SCIN: variants seen among roughly 807,000 people sequenced by gnomAD.
The protein encoded by SCIN is scinderin.
SCIN carries 91 observed loss-of-function variants against 91.8 expected under a neutral mutation model. The ratio of observed to expected loss-of-function variants is 0.99; its 90% CI spans 0.84 to 1.18. The LOEUF (loss-of-function observed/expected upper bound fraction) is 1.18. Among genes scored for constraint, SCIN ranks in the 50% most tolerant of loss-of-function variants. The pLI, the probability that SCIN is intolerant of heterozygous loss-of-function variation, is 0.00. For missense variants in SCIN, 1,087 were observed against 863.9 expected, an observed-to-expected ratio of 1.26 and a Z score of -3.24; for synonymous variants, 367 against 312.6, an observed-to-expected ratio of 1.17 and a Z score of -1.84.
Position 12,578,195 on chromosome 7 carries a change from T to A in SCIN, c.331T>A (p.Phe111Ile), listed in dbSNP as rs1351032760. The A allele has an allele frequency of 1.3e-6, 2 of 1,547,376 alleles. No individual in the cohort carries two copies. The highest frequency in any genetic ancestry group is 4.0e-5 in the Admixed American group (2 of 50,196). The stretch of plus-strand genomic sequence containing the variant: ...TGAGTCTAATGACTTTGTTAGCTAT[T>A]TCAAAGGCGGTCTGAAATACAAGGT... ...GYESNDFVSY[F>I]KGGLKYKAGG... The change falls in exon 2 of 16, where the codon TTC becomes ATC. Residue 111 changes from phenylalanine (F) to isoleucine (I), a missense_variant. Physicochemically the swap from Phe to Ile is conservative, Grantham distance 21. Coordinates refer to ENST00000297029, the MANE Select transcript of SCIN (RefSeq NM_001112706.3).
At chr7:12,575,405 G>A (rs1025811379) in intron 1 of SCIN, among the ~76,000 whole-genome samples, 11 of 151,714 alleles carry the variant, frequency 7.3e-5, no homozygotes, top group African/African-American at 2.7e-4. Flanking sequence ...AATAAGAGTG[G>A]TGTGAGTGCA....
intron 3 of SCIN, among the ~76,000 whole-genome samples, chr7:12,599,777 T>C (rs1782920478): frequency 6.6e-6 from 1 of 152,130 alleles, no homozygotes; most frequent in African/African-American, 2.4e-5. Flanking sequence ...ATTAGTGAAG[T>C]TGAGCATCTT....
At position 12,604,589 on chromosome 7, in the gene SCIN, C is replaced by T. The variant is rs527952558; in HGVS notation, c.592C>T (p.Arg198Trp). 13 of 1,551,798 alleles carry T rather than the reference C, an allele frequency of 8.4e-6. No homozygotes were observed. The highest frequency in any genetic ancestry group is 1.7e-4 in the Middle Eastern group (1 of 5,994). The change falls in exon 4 of 16, where the codon CGG becomes TGG. Residue 198 changes from arginine (R) to tryptophan (W), a missense_variant. Physicochemically the swap from Arg to Trp is moderately radical, Grantham distance 101. Transcript: ENST00000297029. ...GGCAAACCAGGTAGCTACTGGCATT[C>T]GGTACAATGAAAGGAAAGGAAGGTC... ...LKANQVATGI[R>W]YNERKGRSEL...
chr7:12,571,668 C>G (rs1191099190), intron 1 of SCIN: 3 of 421,368 alleles, frequency 7.1e-6, no homozygotes, highest in African/African-American at 4.2e-5. Flanking sequence ...ATAAATAGCT[C>G]TATATGGGTA....
rs890672055 is a variant in SCIN, at chr7:12,622,673, A to G, written c.667-128A>G. On this transcript the variant is annotated intron_variant, in intron 4 of 15. Transcript: ENST00000297029. ...GACTACCTTGTATGCATTGATGAGA[A>G]GTGTTTGAGCCTGGTCATTTTAATT... 4 of 649,628 alleles carry G rather than the reference A, an allele frequency of 6.2e-6. No homozygotes were observed. In the African/African-American group the frequency reaches 7.4e-5, roughly 12 times the overall value. The allele number at this position is 649,628 out of a possible 1,614,324, so 40.2% of individuals were successfully genotyped here. A position where few individuals can be genotyped will look rare whatever the true frequency, so the allele number is the denominator to read the frequency against.
rs546949535 is a variant in SCIN, at chr7:12,652,932, G to A, written c.*217G>A. Reference sequence around the variant, plus strand: ...AGCCTGGCCAACATGGCGAAACCTCGCCTCTACTAAAAATACAAAAAAATT... The same window carrying A: ...AGCCTGGCCAACATGGCGAAACCTCACCTCTACTAAAAATACAAAAAAATT... On this transcript the variant is annotated 3_prime_UTR_variant, in exon 16 of 16. Transcript: ENST00000297029. The A allele has an allele frequency of 2.4e-5, 11 of 452,154 alleles. No individual in the cohort carries two copies. The highest frequency in any genetic ancestry group is 3.8e-5 in the Non-Finnish European group (10 of 261,126). 28.0% of individuals were successfully genotyped at this position (452,154 alleles called of 1,614,324 possible). A position where few individuals can be genotyped will look rare whatever the true frequency, so the allele number is the denominator to read the frequency against.
intron 8 of SCIN, 123 bp downstream of exon 8, chr7:12,626,922 T>C: frequency 1.2e-6 from 1 of 828,462 alleles, no homozygotes. Flanking sequence ...AAACCCCACC[T>C]CTACTCAAAA....
intron 15 of SCIN, among the ~76,000 whole-genome samples, chr7:12,652,273 A>T (rs1052385391): frequency 4.6e-5 from 7 of 152,228 alleles, no homozygotes; most frequent in African/African-American, 1.7e-4. Context: ...ACTGAAACGT[A>T]TAACAATAAT....
At chr7:12,615,111 T>A (rs568112760) in intron 4 of SCIN, among the ~76,000 whole-genome samples, 1 of 152,322 alleles carries the variant, frequency 6.6e-6, no homozygotes, top group South Asian at 2.1e-4. Context: ...AAATCCCAAC[T>A]GCTGTGAAGT....
intron 3 of SCIN, chr7:12,595,876 G>C (rs894209738): frequency 1.2e-4 from 19 of 154,220 alleles, no homozygotes; most frequent in African/African-American, 4.6e-4. Flanking sequence ...ATTGTTACCA[G>C]TAGAAGGTAT....
At chr7:12,580,791 G>A (rs899998667) in intron 2 of SCIN, among the ~76,000 whole-genome samples, 2 of 152,168 alleles carry the variant, frequency 1.3e-5, no homozygotes, top group Non-Finnish European at 2.9e-5. Flanking sequence ...TTGCAGCAGC[G>A]TTTTATACAC....
At chr7:12,640,226 TCTTGA>T (rs1489733258) in intron 10 of SCIN, 116 bp from the exon 11 acceptor site, 1 of 809,512 alleles carries the variant, frequency 1.2e-6, no homozygotes, top group Non-Finnish European at 1.8e-6. Context: ...TTCCTCCTGC[TCTTGA>T]CTTTTTATTT....
chr7:12,590,962 C>G (rs1166341213), intron 3 of SCIN, among the ~76,000 whole-genome samples: 1 of 152,088 alleles, frequency 6.6e-6, no homozygotes, highest in Non-Finnish European at 1.5e-5. Flanking sequence ...GCTATGAGTT[C>G]TGCTTTTTGG....
intron 4 of SCIN, among the ~76,000 whole-genome samples, chr7:12,609,970 T>G (rs1459817752): frequency 1.3e-5 from 2 of 152,214 alleles, no homozygotes; most frequent in African/African-American, 4.8e-5. Context: ...AAGACTCTGC[T>G]TACTTTATTG....
At chr7:12,593,841 C>T (rs904881329) in intron 3 of SCIN, among the ~76,000 whole-genome samples, 115 of 152,100 alleles carry the variant, frequency 7.6e-4, no homozygotes, top group African/African-American at 2.7e-3. Flanking sequence ...TGAAGGTCAT[C>T]GGCATATGCC....
Position 12,570,994 on chromosome 7 carries a change from C to A in SCIN, c.199+9C>A, listed in dbSNP as rs769947309. 18 of 1,543,980 alleles carry A rather than the reference C, an allele frequency of 1.2e-5. No individual in the cohort carries two copies. The highest frequency in any genetic ancestry group is 1.1e-4 in the South Asian group (9 of 83,442). ...CCTGCACTTCTGGCTCGGTAAGGGA[C>A]GGCGGGCGGCGGGACCCCGACGCAC... On this transcript the variant is annotated intron_variant, in intron 1 of 15. Transcript: ENST00000297029.
intron 3 of SCIN, chr7:12,595,806 A>C (rs190784663): frequency 6.6e-6 from 1 of 152,372 alleles, no homozygotes; most frequent in East Asian, 1.9e-4. Flanking sequence ...CATAAGGTAC[A>C]CTGAATGTTG....
rs1303485073 is a variant in SCIN, at chr7:12,604,595, A to G, written c.598A>G (p.Asn200Asp). The G allele has an allele frequency of 1.3e-6, 2 of 1,552,164 alleles. No homozygotes were observed. The highest frequency in any genetic ancestry group is 2.0e-5 in the Admixed American group (1 of 50,990). Reference sequence around the variant, plus strand: ...CCAGGTAGCTACTGGCATTCGGTACAATGAAAGGAAAGGAAGGTCTGAACT... The same window carrying G: ...CCAGGTAGCTACTGGCATTCGGTACGATGAAAGGAAAGGAAGGTCTGAACT... ...ANQVATGIRY[N>D]ERKGRSELIV... is the part of the protein sequence containing the mutation. The change falls in exon 4 of 16, where the codon AAT (asparagine) becomes GAT (aspartate). Residue 200 changes from asparagine to aspartate, a missense_variant. Coordinates refer to ENST00000297029, the MANE Select transcript of SCIN (RefSeq NM_001112706.3).
In SCIN at chr7:12,604,574, G is replaced by C; in HGVS notation, c.577G>C (p.Val193Leu). ...ATATGAACGTCTGAAGGCAAACCAG[G>C]TAGCTACTGGCATTCGGTACAATGA... The part of the protein sequence containing the change: ...NKYERLKANQ[V>L]ATGIRYNERK... Residue 193 changes from valine (V) to leucine (L), a missense_variant, in exon 4 of 16, where the codon GTA (valine) becomes CTA (leucine). By Grantham distance (32) the Val-to-Leu change is conservative (BLOSUM62 1). Coordinates refer to ENST00000297029, the MANE Select transcript of SCIN (RefSeq NM_001112706.3). The C allele has an allele frequency of 6.4e-7, 1 of 1,552,012 alleles. No homozygotes were observed. Among genetic ancestry groups the C allele is most frequent in the Non-Finnish European group, 8.7e-7 (1 of 1,147,042 alleles).
Sources: gnomAD v4.1 joint callset for allele counts (sites outside exome capture counted in the v4.1 genomes callset) on GRCh38, gnomAD v4.1.1 for gene constraint, MANE v1.5 for transcripts, NCBI Gene and HGNC (gene_info 2026-07-23, HGNC 2026-07-21) for gene names.